FHIT: variants seen among roughly 807,000 people sequenced by gnomAD.
FHIT encodes bis(5'-adenosyl)-triphosphatase.
FHIT carries 19 observed loss-of-function variants against 17.9 expected under a neutral mutation model. The ratio of observed to expected loss-of-function variants is 1.06; its 90% CI spans 0.74 to 1.56. The LOEUF is 1.56. FHIT is among the 40% of genes most tolerant of loss of function. The pLI is 0.00. For synonymous variants in FHIT, 81 were observed against 69.7 expected, an observed-to-expected ratio of 1.16 and a Z score of -0.81; for missense variants, 248 against 189.2, an observed-to-expected ratio of 1.31 and a Z score of -1.82.
At chr3:59,821,203 G>A (rs966563061) in intron 8 of FHIT, among the ~76,000 whole-genome samples, 3 of 152,156 alleles carry the variant, frequency 2.0e-5, no homozygotes, top group Non-Finnish European at 2.9e-5. Flanking sequence ...AAGAAATTCT[G>A]AGAAACCCCA....
At chr3:60,233,700 T>A (rs958440047) in intron 5 of FHIT, among the ~76,000 whole-genome samples, 7 of 152,146 alleles carry the variant, frequency 4.6e-5, no homozygotes, top group Admixed American at 1.3e-4. Context: ...GTAGCTCCCA[T>A]AATTCCCATG....
At chr3:61,132,592 C>T (rs1433434182) in intron 2 of FHIT, among the ~76,000 whole-genome samples, 1 of 152,042 alleles carries the variant, frequency 6.6e-6, no homozygotes, top group Admixed American at 6.5e-5. Context: ...CATAGGGCCT[C>T]TTAGGATTAG....
At chr3:59,798,971 G>C (rs188000401) in intron 8 of FHIT, among the ~76,000 whole-genome samples, 3 of 152,174 alleles carry the variant, frequency 2.0e-5, no homozygotes, top group Non-Finnish European at 4.4e-5. Context: ...AGCCACGTTG[G>C]TGAACTCTCA....
intron 4 of FHIT, among the ~76,000 whole-genome samples, chr3:60,761,872 G>A (rs1553720049): frequency 7.8e-6 from 1 of 128,224 alleles, no homozygotes; most frequent in Non-Finnish European, 1.6e-5. Context: ...ATTTTTTGCT[G>A]CTTCCATCAG....
chr3:60,469,882 A>G (rs931937114), intron 5 of FHIT, among the ~76,000 whole-genome samples: 2 of 152,128 alleles, frequency 1.3e-5, no homozygotes, highest in South Asian at 2.1e-4. Flanking sequence ...CCCAAGCCCA[A>G]TAACACTGTG....
intron 5 of FHIT, among the ~76,000 whole-genome samples, chr3:60,063,101 C>G (rs999020512): frequency 6.6e-6 from 1 of 152,020 alleles, no homozygotes; most frequent in African/African-American, 2.4e-5. Flanking sequence ...TTAAGTAGGG[C>G]AAAACAGACA....
chr3:59,931,886 G>C (rs758365430), intron 7 of FHIT, among the ~76,000 whole-genome samples: 2 of 151,958 alleles, frequency 1.3e-5, no homozygotes, highest in African/African-American at 4.8e-5. Context: ...ATGATGTATT[G>C]CTCCAAGCCA....
intron 7 of FHIT, among the ~76,000 whole-genome samples, chr3:59,988,267 A>T (rs1417828735): frequency 6.6e-6 from 1 of 152,028 alleles, no homozygotes; most frequent in East Asian, 1.9e-4. Context: ...ATCTGATTTT[A>T]CCTTTTAAAA....
At chr3:60,207,196 A>G (rs1703236732) in intron 5 of FHIT, among the ~76,000 whole-genome samples, 2 of 152,054 alleles carry the variant, frequency 1.3e-5, no homozygotes, top group South Asian at 2.1e-4. Flanking sequence ...CTCTGTACCA[A>G]TAAACATCCA....
intron 4 of FHIT, among the ~76,000 whole-genome samples, chr3:60,550,595 T>G (rs1275679038): frequency 1.5e-5 from 2 of 131,930 alleles, no homozygotes; most frequent in Non-Finnish European, 3.2e-5. Context: ...ATCAGTTACC[T>G]CTTCTCTGTT....
intron 7 of FHIT, among the ~76,000 whole-genome samples, chr3:59,949,115 G>T (rs75579398): frequency 1.3e-5 from 2 of 152,044 alleles, no homozygotes; most frequent in Non-Finnish European, 2.9e-5. Context: ...CTGATGTTTA[G>T]CTCCCTTTTG....
chr3:61,021,593 C>T (rs1183782404), intron 3 of FHIT, among the ~76,000 whole-genome samples: 10 of 93,852 alleles, frequency 1.1e-4, no homozygotes, highest in South Asian at 8.3e-4. Context: ...AGCGAGACTC[C>T]GTCTCAAAAA....
intron 5 of FHIT, among the ~76,000 whole-genome samples, chr3:60,534,099 A>G: frequency 6.6e-6 from 1 of 152,194 alleles, no homozygotes; most frequent in East Asian, 1.9e-4. Flanking sequence ...ACAAAAGACT[A>G]GAGCTTTCTG....
At chr3:60,406,019 TGC>T (rs1701843214) in intron 5 of FHIT, among the ~76,000 whole-genome samples, 2 of 152,182 alleles carry the variant, frequency 1.3e-5, no homozygotes, top group South Asian at 4.1e-4. Context: ...GGCACATAAC[TGC>T]TCAATTATTA....
At chr3:60,676,939 A>C (rs1577059136) in intron 4 of FHIT, among the ~76,000 whole-genome samples, 1 of 152,142 alleles carries the variant, frequency 6.6e-6, no homozygotes. Context: ...CCGTGGCGCC[A>C]TCTTGGCTCA....
At chr3:61,202,067 T>TATACACACACAC in intron 1 of FHIT, among the ~76,000 whole-genome samples, 1 of 148,716 alleles carries the variant, frequency 6.7e-6, no homozygotes, top group East Asian at 2.0e-4. Flanking sequence ...CGCACATAGA[T>TATACACACACAC]ACACACACAC....
At position 59,863,773 on chromosome 3, in the gene FHIT, A is replaced by G. The variant is rs55665487; in HGVS notation, c.348+58573T>C. 7.2e-3 allele frequency among the ~76,000 whole-genome samples: 1,102 copies of G among 152,366 alleles called. 14 individuals carry two copies. The highest frequency in any genetic ancestry group is 0.025 in the African/African-American group (1,054 of 41,590). ...AAAAGGTGCTCCTTCTTCCAGGCAG[A>G]TGAAGCTCTGAGCCAGAGCTCATTG... is the stretch of plus-strand genomic sequence containing the variant. On this transcript the variant is annotated intron_variant, in intron 8 of 9. Transcript: ENST00000492590.
chr3:59,901,452 T>C (rs1279500308), intron 8 of FHIT, among the ~76,000 whole-genome samples: 4 of 152,270 alleles, frequency 2.6e-5, no homozygotes, highest in African/African-American at 7.2e-5. Context: ...ATCCAACTTA[T>C]ATGGGCACAG....
At chr3:60,678,918 T>C (rs2040683846) in intron 4 of FHIT, among the ~76,000 whole-genome samples, 1 of 150,596 alleles carries the variant, frequency 6.6e-6, no homozygotes, top group African/African-American at 2.4e-5. Flanking sequence ...TCGTTTTCCA[T>C]CTTAAGGACT....
Sources: allele counts gnomAD v4.1 joint callset (sites outside exome capture counted in the v4.1 genomes callset), GRCh38; gene constraint gnomAD v4.1.1; transcripts MANE v1.5; gene names NCBI Gene and HGNC (gene_info 2026-07-23, HGNC 2026-07-21).